The following DLG2 variants were observed in gnomAD, a reference collection of about 807,000 sequenced individuals.
DLG2 encodes the protein disks large homolog 2.
DLG2 carries 45 observed loss-of-function variants against 132.5 expected under a neutral mutation model. The observed-to-expected ratio is 0.34, with a 90% CI of 0.27 to 0.44. The LOEUF is 0.44. Among genes scored for constraint, DLG2 ranks in the 20% least tolerant of loss-of-function variants. The pLI, the probability that DLG2 is intolerant of heterozygous loss-of-function variation, is 1.00. For missense variants in DLG2, 1,045 were observed against 1,196.9 expected (o/e 0.87, Z 1.87); for synonymous variants, 424 against 419.6 (o/e 1.01, Z -0.13).
chr11:85,125,646 T>C (rs539502927), intron 5 of DLG2, among the ~76,000 whole-genome samples: 1 of 152,292 alleles, frequency 6.6e-6, no homozygotes, highest in East Asian at 1.9e-4. Context: ...AATGGGAACA[T>C]GGATATTAGA....
chr11:83,818,361 C>A (rs1373761892), intron 17 of DLG2, among the ~76,000 whole-genome samples: 1 of 152,176 alleles, frequency 6.6e-6, no homozygotes, highest in Non-Finnish European at 1.5e-5. Context: ...CTGGGAAGGT[C>A]TTTCCATTAC....
intron 4 of DLG2, among the ~76,000 whole-genome samples, chr11:85,247,443 C>T (rs2076192670): frequency 6.6e-6 from 1 of 151,998 alleles, no homozygotes; most frequent in African/African-American, 2.4e-5. Context: ...CCTGGCCATT[C>T]TATCCAAAAT....
chr11:85,007,966 C>T (rs77936914), intron 6 of DLG2, among the ~76,000 whole-genome samples: 2,987 of 152,170 alleles, frequency 0.02, 58 homozygotes, highest in Admixed American at 0.042. Context: ...ACAAAGGTTA[C>T]ACATTGTGTG....
intron 10 of DLG2, among the ~76,000 whole-genome samples, chr11:84,086,643 CCA>C (rs2096987262): frequency 6.6e-6 from 1 of 151,936 alleles, no homozygotes; most frequent in African/African-American, 2.4e-5. Context: ...GCATGCACCA[CCA>C]CACCTGGCTA....
At chr11:84,547,703 C>T (rs576117000) in intron 6 of DLG2, among the ~76,000 whole-genome samples, 1 of 152,294 alleles carries the variant, frequency 6.6e-6, no homozygotes, top group East Asian at 1.9e-4. Context: ...ATGTCTGACT[C>T]CCTGAGAATC....
At chr11:84,780,522 T>C (rs530879660) in intron 6 of DLG2, among the ~76,000 whole-genome samples, 1 of 152,240 alleles carries the variant, frequency 6.6e-6, no homozygotes, top group South Asian at 2.1e-4. Context: ...TTTAACTTTA[T>C]AAGAAACTGC....
intron 12 of DLG2, among the ~76,000 whole-genome samples, chr11:83,968,569 T>G (rs1227984657): frequency 6.6e-6 from 1 of 152,234 alleles, no homozygotes; most frequent in Non-Finnish European, 1.5e-5. Flanking sequence ...TAGCCCATAT[T>G]ACATGCCAGG....
chr11:84,710,064 A>C (rs1456931200), intron 6 of DLG2, among the ~76,000 whole-genome samples: 2 of 151,940 alleles, frequency 1.3e-5, no homozygotes, highest in Non-Finnish European at 2.9e-5. Context: ...TTATGAAGAG[A>C]GAGTGTCACA....
At chr11:84,679,469 T>C (rs2099723276) in intron 6 of DLG2, among the ~76,000 whole-genome samples, 1 of 151,924 alleles carries the variant, frequency 6.6e-6, no homozygotes, top group Non-Finnish European at 1.5e-5. Context: ...TTTCCTGAGA[T>C]AATGAATGAA....
intron 6 of DLG2, among the ~76,000 whole-genome samples, chr11:84,632,059 A>G (rs547196124): frequency 6.6e-6 from 1 of 152,328 alleles, no homozygotes; most frequent in East Asian, 1.9e-4. Context: ...AACCAGTGAG[A>G]GGAAGATGTT....
chr11:85,166,074 C>A (rs1207600725), intron 4 of DLG2, among the ~76,000 whole-genome samples: 5 of 152,120 alleles, frequency 3.3e-5, no homozygotes, highest in Admixed American at 1.3e-4. Context: ...TTTCTATACT[C>A]CTCATTATCT....
At chr11:84,641,804 A>G (rs139970939) in intron 6 of DLG2, among the ~76,000 whole-genome samples, 1 of 152,168 alleles carries the variant, frequency 6.6e-6, no homozygotes, top group Admixed American at 6.5e-5. Flanking sequence ...TGCTTAGAAC[A>G]TTACCTGCAT....
intron 6 of DLG2, among the ~76,000 whole-genome samples, chr11:84,909,999 TGAGAA>T (rs2154076796): frequency 6.6e-6 from 1 of 151,908 alleles, no homozygotes; most frequent in East Asian, 1.9e-4. Flanking sequence ...AGGGAAGAGG[TGAGAA>T]TCACCTAGTG....
At chr11:84,638,295 T>A (rs1782513932) in intron 6 of DLG2, among the ~76,000 whole-genome samples, 1 of 152,220 alleles carries the variant, frequency 6.6e-6, no homozygotes. Flanking sequence ...TATAAATAGA[T>A]AATTTAACTT....
intron 3 of DLG2, among the ~76,000 whole-genome samples, chr11:85,583,116 GTGTGTGTGTGTGTGTATATATATATATA>G (rs1565717324): frequency 1.3e-4 from 7 of 55,320 alleles, no homozygotes; most frequent in Admixed American, 4.1e-4. Flanking sequence ...GTGTGTGTGT[GTGTGTGTGTGTGTGTATATATATATATA>G]TATATATATA....
chr11:83,497,280 C>T (rs1211883083), intron 21 of DLG2, among the ~76,000 whole-genome samples: 7 of 152,146 alleles, frequency 4.6e-5, no homozygotes, highest in African/African-American at 9.7e-5. Context: ...TGGTGGCTCA[C>T]GCCTGTAATC....
At chr11:84,899,615 A>T (rs2090634240) in intron 6 of DLG2, among the ~76,000 whole-genome samples, 1 of 152,068 alleles carries the variant, frequency 6.6e-6, no homozygotes, top group African/African-American at 2.4e-5. Context: ...TATATAAACC[A>T]TTATATTACA....
At chr11:84,561,602 C>G (rs1367257354) in intron 6 of DLG2, among the ~76,000 whole-genome samples, 1 of 152,014 alleles carries the variant, frequency 6.6e-6, no homozygotes, top group Non-Finnish European at 1.5e-5. Context: ...CCTCCTGCAC[C>G]CAGCAAGCTC....
chr11:84,317,082 T>C (rs1484231915), intron 7 of DLG2: 2 of 1,612,880 alleles, frequency 1.2e-6, no homozygotes, highest in South Asian at 2.2e-5. Flanking sequence ...GGCGCACTCC[T>C]GACGGCATCC....
Sources: allele counts gnomAD v4.1 joint callset (sites outside exome capture counted in the v4.1 genomes callset), GRCh38; gene constraint gnomAD v4.1.1; transcripts MANE v1.5; gene names NCBI Gene and HGNC (gene_info 2026-07-23, HGNC 2026-07-21).